The following DLG5 variants were observed in gnomAD, a reference collection of about 807,000 sequenced individuals.
The protein encoded by DLG5 is discs large MAGUK scaffold protein 5.
Under a neutral mutation model 189.8 loss-of-function variants are expected in DLG5, and 48 were observed. That is an observed-to-expected ratio of 0.25 (90% CI 0.20 to 0.32). The LOEUF (loss-of-function observed/expected upper bound fraction) is 0.32. DLG5 is among the 10% of genes least tolerant of loss of function. DLG5 has a pLI of 1.00. For synonymous variants in DLG5, 1,016 were observed against 1,054.1 expected (o/e 0.96, Z 0.70); for missense variants, 2,160 against 2,544.7 (o/e 0.85, Z 3.25).
At chr10:77,871,792 C>T (rs1337353055) in intron 1 of DLG5, among the ~76,000 whole-genome samples, 1 of 152,058 alleles carries the variant, frequency 6.6e-6, no homozygotes, top group Non-Finnish European at 1.5e-5. Context: ...TCCACCAGGC[C>T]TCAGCCTCCC....
At chr10:77,905,635 G>T (rs1227349960) in intron 1 of DLG5, among the ~76,000 whole-genome samples, 1 of 152,146 alleles carries the variant, frequency 6.6e-6, no homozygotes, top group East Asian at 1.9e-4. Context: ...GACCATTTCT[G>T]GGTGAACGAC....
chr10:77,795,682 C>T (rs1840877660), intron 29 of DLG5, among the ~76,000 whole-genome samples: 3 of 152,050 alleles, frequency 2.0e-5, no homozygotes, highest in Non-Finnish European at 4.4e-5. Flanking sequence ...AGGGAAGGCA[C>T]GTTCCTGTCC....
chr10:77,907,355 G>A (rs1293370177), intron 1 of DLG5, among the ~76,000 whole-genome samples: 1 of 152,206 alleles, frequency 6.6e-6, no homozygotes, highest in East Asian at 1.9e-4. Context: ...AAGGCAGGCA[G>A]ATCACTTTAG....
intron 13 of DLG5, among the ~76,000 whole-genome samples, chr10:77,826,511 C>T (rs1842647713): frequency 6.6e-6 from 1 of 152,176 alleles, no homozygotes; most frequent in South Asian, 2.1e-4. Flanking sequence ...TGTCTGTAAT[C>T]CCAGCTGCTC....
chr10:77,933,505 G>A, the DLG5 span, among the ~76,000 whole-genome samples: 1 of 151,926 alleles, frequency 6.6e-6, no homozygotes, highest in Non-Finnish European at 1.5e-5. Flanking sequence ...TGTTGGCCAG[G>A]CTAGTCTCAA....
chr10:77,792,947 G>C (rs144940937), intron 31 of DLG5: 145 of 239,700 alleles, frequency 6.0e-4, no homozygotes, highest in African/African-American at 3.0e-3. Flanking sequence ...CGCCAACTTG[G>C]GCCAGCCCTG....
intron 13 of DLG5, among the ~76,000 whole-genome samples, chr10:77,828,474 A>G (rs547753852): frequency 1.0e-3 from 139 of 137,012 alleles, no homozygotes; most frequent in African/African-American, 4.0e-3. Flanking sequence ...GTGACAGAGC[A>G]AGACTCCATA....
intron 20 of DLG5, 122 bp from the exon 21 acceptor site, chr10:77,812,499 C>A: frequency 9.0e-7 from 1 of 1,110,128 alleles, no homozygotes; most frequent in East Asian, 2.6e-5. Context: ...TGGATGCTCC[C>A]ATTGTGACAC....
At position 77,792,210 on chromosome 10, in the gene DLG5, GT is replaced by G. The variant is rs1167090286; in HGVS notation, c.*229del. 2.9e-5 allele frequency: 17 copies of G among 578,738 alleles called. No individual in the cohort carries two copies. Among genetic ancestry groups the G allele is most frequent in the Non-Finnish European group, 5.2e-5 (17 of 324,948 alleles). 35.9% of individuals were successfully genotyped at this position (578,738 alleles called of 1,614,324 possible). On this transcript the variant is annotated 3_prime_UTR_variant, in exon 32 of 32. Coordinates refer to ENST00000372391, the MANE Select transcript of DLG5 (RefSeq NM_004747.4). ...GCTGAACCCGTCTTTAGTGTTATCTGTTTTGTGTTAAAGCACACGTGTGACA... is the reference window on the plus strand; with the variant it reads ...GCTGAACCCGTCTTTAGTGTTATCTGTTTGTGTTAAAGCACACGTGTGACA...
In DLG5 at chr10:77,796,454, G is replaced by A; in HGVS notation, c.5305C>T (p.Leu1769Phe). 6.2e-7 allele frequency: 1 copy of A among 1,614,162 alleles called. No individual in the cohort carries two copies. Among genetic ancestry groups the A allele is most frequent in the Non-Finnish European group, 8.5e-7 (1 of 1,180,018 alleles). ...GAGGGTGCCCCGTGCCCCTTACCAA[G>A]GGGACATCTGCAGAACTTGCCAGGA... ...EAPGKFCRCP[L>F]EVMKASQQAI... The change falls in exon 28 of 32, where the codon CTT (leucine) becomes TTT (phenylalanine). Residue 1769 changes from leucine (L) to phenylalanine (F), a missense_variant. Leu to Phe is a conservative substitution (Grantham distance 22). Transcript: ENST00000372391. The surrounding 1 kb of genome is among the most constrained non-coding windows in gnomAD (Gnocchi z 5.2).
chr10:77,836,883 CA>C (rs200207944), intron 7 of DLG5, among the ~76,000 whole-genome samples: 3,782 of 144,932 alleles, frequency 0.026, 112 homozygotes, highest in African/African-American at 0.076. Context: ...TTGCTATTTT[CA>C]AAAAAAAAAA....
At chr10:77,902,874 A>AAATAAATAAAT (rs1564587005) in intron 1 of DLG5, among the ~76,000 whole-genome samples, 5 of 104,630 alleles carry the variant, frequency 4.8e-5, no homozygotes, top group South Asian at 3.2e-4. Flanking sequence ...AATAAATAAA[A>AAATAAATAAAT]AAATAAATAA....
chr10:77,934,383 A>AAG, the DLG5 span, among the ~76,000 whole-genome samples: 4 of 151,338 alleles, frequency 2.6e-5, no homozygotes, highest in Non-Finnish European at 4.4e-5. Flanking sequence ...AAAAAAAAAA[A>AAG]AAAAAGAAAA....
Position 77,926,394 on chromosome 10 carries a change from G to C in DLG5, c.127C>G (p.Gln43Glu). Residue 43 changes from glutamine (Q) to glutamate (E), a missense_variant, in exon 1 of 32, where the codon CAG becomes GAG. Transcript: ENST00000372391. This position sits in a 1 kb window ranked among gnomAD's most constrained non-coding sequence, Gnocchi z 5.2. Reference protein sequence around the residue: ...AGALSPGERRQLDEEAGGAKA... With the variant: ...AGALSPGERRELDEEAGGAKA... Reference sequence around the variant, plus strand: ...GCGCCTCCCGCCTCCTCGTCCAGCTGCCGCCGCTCGCCGGGACTGAGCGCT... The same window carrying C: ...GCGCCTCCCGCCTCCTCGTCCAGCTCCCGCCGCTCGCCGGGACTGAGCGCT... 6.3e-7 allele frequency: 1 copy of C among 1,588,602 alleles called. No individual in the cohort carries two copies. The highest frequency in any genetic ancestry group is 8.5e-7 in the Non-Finnish European group (1 of 1,169,868).
At chr10:77,858,314 A>G (rs1844332687) in intron 2 of DLG5, among the ~76,000 whole-genome samples, 2 of 152,186 alleles carry the variant, frequency 1.3e-5, no homozygotes, top group Admixed American at 1.3e-4. Context: ...TATTAAAAAA[A>G]AAAGATTAAA....
intron 16 of DLG5, 93 bp from the exon 17 acceptor site, chr10:77,819,558 G>T: frequency 6.8e-7 from 1 of 1,461,396 alleles, no homozygotes; most frequent in Non-Finnish European, 9.1e-7. Context: ...GGACGCAGCC[G>T]CAGTCTTTTG....
At chr10:77,866,543 AG>A (rs1454486423) in intron 2 of DLG5, among the ~76,000 whole-genome samples, 1 of 152,190 alleles carries the variant, frequency 6.6e-6, no homozygotes, top group African/African-American at 2.4e-5. Flanking sequence ...ATGGCTACAG[AG>A]CACTTGAAAT....
At chr10:77,883,577 A>G (rs1346480215) in intron 1 of DLG5, among the ~76,000 whole-genome samples, 1 of 152,162 alleles carries the variant, frequency 6.6e-6, no homozygotes, top group Admixed American at 6.5e-5. Flanking sequence ...CCCCTGGGTT[A>G]GAAAAAAACA....
At chr10:77,812,686 G>C (rs796487639) in intron 20 of DLG5, among the ~76,000 whole-genome samples, 26 of 152,328 alleles carry the variant, frequency 1.7e-4, no homozygotes, top group African/African-American at 6.3e-4. Flanking sequence ...CAGGAGAGGA[G>C]CTGCCCCACA....
Sources: allele counts gnomAD v4.1 joint callset (sites outside exome capture counted in the v4.1 genomes callset), GRCh38; gene constraint gnomAD v4.1.1; non-coding constraint Gnocchi (gnomAD v3.1); transcripts MANE v1.5; gene names NCBI Gene and HGNC (gene_info 2026-07-23, HGNC 2026-07-21).